Variants in SCN11A observed in about 807,000 individuals in gnomAD.
SCN11A encodes the protein sodium channel protein type 11 subunit alpha.
Under a neutral mutation model 162.2 loss-of-function variants are expected in SCN11A, and 122 were observed. That is an observed-to-expected ratio of 0.75 (90% confidence interval 0.65 to 0.87). The LOEUF (loss-of-function observed/expected upper bound fraction) is 0.87. Among genes scored for constraint, SCN11A ranks in the 40% least tolerant of loss-of-function variants. The pLI is 0.00. For synonymous variants in SCN11A, 758 were observed against 751.5 expected (o/e 1.01, Z -0.14); for missense variants, 2,015 against 2,181.6 (o/e 0.92, Z 1.52).
At chr3:38,884,073 G>A (rs1198810460) in intron 21 of SCN11A, among the ~76,000 whole-genome samples, 3 of 152,060 alleles carry the variant, frequency 2.0e-5, no homozygotes. Context: ...TCCTCCCCTT[G>A]TACAAATTCT....
intron 11 of SCN11A, among the ~76,000 whole-genome samples, chr3:38,910,512 A>G (rs566028259): frequency 6.6e-6 from 1 of 151,894 alleles, no homozygotes; most frequent in South Asian, 2.1e-4. Context: ...TCCTGATCCC[A>G]CTTCTTAGAG....
chr3:38,952,063 C>T (rs1464458076), intron 4 of SCN11A, among the ~76,000 whole-genome samples: 2 of 152,126 alleles, frequency 1.3e-5, no homozygotes, highest in African/African-American at 2.4e-5. Flanking sequence ...ACACTCACCA[C>T]GAAGGTCTGC....
intron 5 of SCN11A, among the ~76,000 whole-genome samples, chr3:38,949,099 G>A (rs1423169178): frequency 6.6e-6 from 1 of 152,182 alleles, no homozygotes; most frequent in Non-Finnish European, 1.5e-5. Flanking sequence ...AGTTTCTTAT[G>A]GATGCCAGCC....
intron 15 of SCN11A, among the ~76,000 whole-genome samples, chr3:38,904,737 G>T (rs530860743): frequency 1.1e-4 from 17 of 152,256 alleles, no homozygotes; most frequent in African/African-American, 3.4e-4. Context: ...CTATTAATCT[G>T]GTCCATCAGA....
At chr3:38,997,692 G>A (rs1268424925) in intron 2 of SCN11A, among the ~76,000 whole-genome samples, 3 of 152,200 alleles carry the variant, frequency 2.0e-5, no homozygotes, top group African/African-American at 7.2e-5. Flanking sequence ...GTAAATGTTT[G>A]TTGAATGGCT....
chr3:38,944,391 C>T (rs1229753923), intron 7 of SCN11A, among the ~76,000 whole-genome samples: 1 of 151,192 alleles, frequency 6.6e-6, no homozygotes, highest in African/African-American at 2.4e-5. Context: ...TGCAGTGGCT[C>T]ACTGGGCTCA....
chr3:38,950,307 A>G lies in SCN11A; in HGVS notation c.56T>C (p.Phe19Ser), dbSNP rs758248676. The change falls in exon 5 of 30, where the codon TTC becomes TCC. Residue 19 changes from phenylalanine to serine, a missense_variant. Transcript: ENST00000302328. Reference protein sequence around the residue: ...IFPDERNFRPFTSDSLAAIEK... With the variant: ...IFPDERNFRPSTSDSLAAIEK... Reference sequence around the variant, plus strand: ...AATTGCAGCCAGAGAGTCGGAAGTGAAGGGGCGGAAATTCCGCTCATCTGG... The same window carrying G: ...AATTGCAGCCAGAGAGTCGGAAGTGGAGGGGCGGAAATTCCGCTCATCTGG... The G allele has an allele frequency of 6.2e-7, 1 of 1,614,000 alleles. No homozygotes were observed. Among genetic ancestry groups the G allele is most frequent in the Non-Finnish European group, 8.5e-7 (1 of 1,179,982 alleles).
rs535071385 is a variant in SCN11A at position 38,895,523 on chromosome 3, A to G, written c.2404-559T>C. On this transcript the variant is annotated intron_variant, in intron 18 of 29. Coordinates refer to ENST00000302328, the MANE Select transcript of SCN11A (RefSeq NM_001349253.2). ...GAACCACATATCACTTCAAATTCAC[A>G]TAATCCCAATAGCTTCCTACCTGGG... Among the ~76,000 whole-genome samples, 12 of 152,366 alleles carry G rather than the reference A, an allele frequency of 7.9e-5. No homozygotes were observed. The South Asian group carries it at 1.9e-3, about 24-fold the overall frequency.
At chr3:38,977,531 T>C (rs558902348) in intron 2 of SCN11A, among the ~76,000 whole-genome samples, 1 of 152,248 alleles carries the variant, frequency 6.6e-6, no homozygotes, top group Non-Finnish European at 1.5e-5. Flanking sequence ...TGATACATCA[T>C]AAGTGCTCAA....
rs78285301 is a variant in SCN11A, at chr3:38,873,085, T to C, written c.3394-791A>G. 9.0e-3 allele frequency among the ~76,000 whole-genome samples: 1,372 copies of C among 152,312 alleles called. 28 individuals are homozygous for C. Among genetic ancestry groups the C allele is most frequent in the African/African-American group, 0.031 (1,305 of 41,590 alleles). ...GAGTATTAGAAAGCTCTGTTAAGTA[T>C]ACCAAATTAAATCTTAACAATATTT... On this transcript the variant is annotated intron_variant, in intron 23 of 29. Coordinates refer to ENST00000302328, the MANE Select transcript of SCN11A (RefSeq NM_001349253.2).
intron 2 of SCN11A, among the ~76,000 whole-genome samples, chr3:38,977,727 T>C (rs1374030644): frequency 6.6e-6 from 1 of 152,206 alleles, no homozygotes; most frequent in East Asian, 1.9e-4. Context: ...GAGCTTCCCC[T>C]TCTGCGCTTA....
At chr3:39,046,983 A>C (rs867909251) in intron 1 of SCN11A, among the ~76,000 whole-genome samples, 1 of 149,950 alleles carries the variant, frequency 6.7e-6, no homozygotes, top group Non-Finnish European at 1.5e-5. Flanking sequence ...AGCCTCCCAG[A>C]GTGCTGGGAT....
chr3:39,006,667 G>C (rs990320125), intron 2 of SCN11A, among the ~76,000 whole-genome samples: 1 of 152,134 alleles, frequency 6.6e-6, no homozygotes, highest in African/African-American at 2.4e-5. Flanking sequence ...TGAGCACAGT[G>C]GTTCTTGCCT....
At position 38,885,413 on chromosome 3, in the gene SCN11A, G is replaced by A. The variant is rs370424694; in HGVS notation, c.2950-11C>T. The A allele has an allele frequency of 1.4e-6, 2 of 1,467,074 alleles. No homozygotes were observed. Among genetic ancestry groups the A allele is most frequent in the Non-Finnish European group, 1.9e-6 (2 of 1,046,636 alleles). The allele number at this position is 1,467,074 out of a possible 1,614,324, so 90.9% of individuals were successfully genotyped here. A position where few individuals can be genotyped will look rare whatever the true frequency, so the allele number is the denominator to read the frequency against. On this transcript the variant is annotated splice_polypyrimidine_tract_variant and intron_variant, in intron 20 of 29. Coordinates refer to ENST00000302328, the MANE Select transcript of SCN11A (RefSeq NM_001349253.2). ...GGTAACATCAGACTTCTGCACATCAGAACAAAACGAAGGGGGTGCCTTTTA... is the reference window on the plus strand; with the variant it reads ...GGTAACATCAGACTTCTGCACATCAAAACAAAACGAAGGGGGTGCCTTTTA...
Position 38,957,433 on chromosome 3 carries a change from AAGC to A in SCN11A, c.-139+2847_-139+2849del, listed in dbSNP as rs1480961863. 2.6e-5 allele frequency among the ~76,000 whole-genome samples: 4 copies of A among 152,320 alleles called. 1 individual carries two copies. The highest frequency in any genetic ancestry group is 9.6e-5 in the African/African-American group (4 of 41,578). On this transcript the variant is annotated intron_variant, in intron 3 of 29. Transcript: ENST00000302328. ...ATTCAAACTAGAGAGACAAGATATC[AAGC>A]ACGACAGGCTCCCAATCCCCTTGGG...
chr3:39,033,988 C>T (rs1364430167), intron 1 of SCN11A, among the ~76,000 whole-genome samples: 1 of 152,090 alleles, frequency 6.6e-6, no homozygotes, highest in Non-Finnish European at 1.5e-5. Context: ...CATAATGAAA[C>T]ACCATTTCTA....
At chr3:38,931,983 G>A (rs2066248524) in intron 7 of SCN11A, among the ~76,000 whole-genome samples, 1 of 152,172 alleles carries the variant, frequency 6.6e-6, no homozygotes, top group Middle Eastern at 3.2e-3. Flanking sequence ...ACTAATGTGG[G>A]AAATGTAGTA....
intron 19 of SCN11A, among the ~76,000 whole-genome samples, chr3:38,889,802 A>AAAAATAAAATAAAAT (rs372120454): frequency 5.5e-4 from 72 of 130,966 alleles, no homozygotes; most frequent in East Asian, 3.0e-3. Flanking sequence ...TCCATCTCAA[A>AAAAATAAAATAAAAT]AAAATAAAAT....
At chr3:38,906,668 C>T (rs974483200) in intron 14 of SCN11A, among the ~76,000 whole-genome samples, 19 of 152,198 alleles carry the variant, frequency 1.2e-4, no homozygotes, top group Admixed American at 1.2e-3. Flanking sequence ...TACTTGGTTA[C>T]TGCAACAGCC....
Sources: allele counts gnomAD v4.1 joint callset (sites outside exome capture counted in the v4.1 genomes callset), GRCh38; gene constraint gnomAD v4.1.1; transcripts MANE v1.5; gene names NCBI Gene and HGNC (gene_info 2026-07-23, HGNC 2026-07-21).